The following PAN3 variants were observed in gnomAD, a reference collection of about 807,000 sequenced individuals.
The protein encoded by PAN3 is PAN2-PAN3 deadenylation complex subunit PAN3.
Under a neutral mutation model 96.2 loss-of-function variants are expected in PAN3, and 19 were observed. That is an observed-to-expected ratio of 0.20 (90% confidence interval 0.14 to 0.29). The LOEUF is 0.29. Among genes scored for constraint, PAN3 ranks in the 10% least tolerant of loss-of-function variants. The pLI is 1.00. For synonymous variants in PAN3, 433 were observed against 406.6 expected, an observed-to-expected ratio of 1.06 and a Z score of -0.78; for missense variants, 882 against 1,108.1, an observed-to-expected ratio of 0.80 and a Z score of 2.90.
chr13:28,162,709 T>A (rs1417743598), intron 1 of PAN3, among the ~76,000 whole-genome samples: 1 of 151,520 alleles, frequency 6.6e-6, no homozygotes, highest in East Asian at 2.0e-4. Flanking sequence ...CTGGGCTCAG[T>A]AACTCATGCC....
intron 5 of PAN3, among the ~76,000 whole-genome samples, chr13:28,217,376 G>GT (rs1171116861): frequency 6.6e-6 from 1 of 152,104 alleles, no homozygotes; most frequent in Non-Finnish European, 1.5e-5. Flanking sequence ...GAGGCCAGGA[G>GT]TTTGAGACCA....
chr13:28,139,514 T>TGTGTGTGTGTG (rs1869353072), intron 1 of PAN3, among the ~76,000 whole-genome samples: 4 of 93,134 alleles, frequency 4.3e-5, no homozygotes, highest in African/African-American at 1.6e-4. Flanking sequence ...AGGGGTGTGT[T>TGTGTGTGTGTG]TGTGTGTGTG....
At chr13:28,151,816 G>T (rs1871402110) in intron 1 of PAN3, among the ~76,000 whole-genome samples, 1 of 152,156 alleles carries the variant, frequency 6.6e-6, no homozygotes. Context: ...AGCAGATCAG[G>T]AGTTTGGTTT....
chr13:28,232,921 T>C (rs1337654164), intron 6 of PAN3, among the ~76,000 whole-genome samples: 1 of 152,170 alleles, frequency 6.6e-6, no homozygotes, highest in Non-Finnish European at 1.5e-5. Flanking sequence ...GATTTGTGAG[T>C]GTACATATTC....
chr13:28,248,611 G>A (rs1472420381), intron 6 of PAN3, among the ~76,000 whole-genome samples: 5 of 151,848 alleles, frequency 3.3e-5, no homozygotes, highest in Admixed American at 3.3e-4. Context: ...TGCAACCTCC[G>A]CCTCCTGGGC....
chr13:28,289,391 C>G (rs1869416951), intron 18 of PAN3, among the ~76,000 whole-genome samples: 1 of 152,124 alleles, frequency 6.6e-6, no homozygotes, highest in African/African-American at 2.4e-5. Flanking sequence ...CTCCTTCCCA[C>G]CTCAGTCTCC....
intron 14 of PAN3, among the ~76,000 whole-genome samples, chr13:28,275,887 G>A (rs987808854): frequency 6.6e-6 from 1 of 152,130 alleles, no homozygotes; most frequent in African/African-American, 2.4e-5. Flanking sequence ...CTTATCTCAT[G>A]TTCAGTGTCA....
At chr13:28,207,517 A>G (rs1266828979) in intron 5 of PAN3, among the ~76,000 whole-genome samples, 2 of 152,146 alleles carry the variant, frequency 1.3e-5, no homozygotes, top group South Asian at 2.1e-4. Context: ...TTGTGGTACC[A>G]TGTAGCTACC....
At chr13:28,161,949 A>G (rs1374168753) in intron 1 of PAN3, among the ~76,000 whole-genome samples, 4 of 152,154 alleles carry the variant, frequency 2.6e-5, no homozygotes, top group East Asian at 3.9e-4. Context: ...CCTTTTTATC[A>G]TTTATTTTAA....
rs1291453155 is a variant in PAN3 at position 28,293,714 on chromosome 13, A to G, written c.*1192A>G. On this transcript the variant is annotated 3_prime_UTR_variant, in exon 19 of 19. Coordinates refer to ENST00000380958, the MANE Select transcript of PAN3 (RefSeq NM_175854.8). The stretch of plus-strand genomic sequence containing the variant: ...GGATTTTCCTCCTCTTAACTTTCTT[A>G]ATATTTGGACATGCAGTTGTCGCCA... 1 of 152,602 alleles carries G rather than the reference A, an allele frequency of 6.6e-6. No individual in the cohort carries two copies. The highest frequency in any genetic ancestry group is 1.5e-5 in the Non-Finnish European group (1 of 68,026). 9.5% of individuals were successfully genotyped at this position (152,602 alleles called of 1,614,324 possible). A position where few individuals can be genotyped will look rare whatever the true frequency, so the allele number is the denominator to read the frequency against.
chr13:28,247,029 T>A (rs2138533413), intron 6 of PAN3, among the ~76,000 whole-genome samples: 1 of 152,286 alleles, frequency 6.6e-6, no homozygotes, highest in South Asian at 2.1e-4. Flanking sequence ...CTCGTTTTCA[T>A]TCCCATCAAC....
At chr13:28,277,195 G>C in intron 14 of PAN3, 42 bp from the exon 15 acceptor site, 5 of 1,561,380 alleles carry the variant, frequency 3.2e-6, no homozygotes, top group Non-Finnish European at 4.4e-6. Flanking sequence ...ATGAGTACCT[G>C]TGAAATGAAA....
Position 28,220,240 on chromosome 13 carries a change from C to G in PAN3, c.862C>G (p.Pro288Ala). Residue 288 changes from proline to alanine, a missense_variant, in exon 6 of 19, where the codon CCT (proline) becomes GCT (alanine). By Grantham distance (27) the Pro-to-Ala change is conservative (BLOSUM62 -1). Transcript: ENST00000380958. ...TTTGATTTTTAAATAGACACCAAAT[C>G]CTACTGCAAGCGAGTTTATTCCTAA... Reference protein sequence around the residue: ...VTENNLQTPNPTASEFIPKGG... With the variant: ...VTENNLQTPNATASEFIPKGG... 6.2e-7 allele frequency: 1 copy of G among 1,612,428 alleles called. No homozygotes were observed.
At chr13:28,249,642 G>A (rs1884533127) in intron 6 of PAN3, among the ~76,000 whole-genome samples, 1 of 151,960 alleles carries the variant, frequency 6.6e-6, no homozygotes, top group African/African-American at 2.4e-5. Flanking sequence ...TAGAGACGGG[G>A]TTTCACCATG....
chr13:28,220,434 T>C, intron 6 of PAN3, 56 bp downstream of exon 6: 1 of 1,532,586 alleles, frequency 6.5e-7, no homozygotes, highest in South Asian at 1.2e-5. Flanking sequence ...TAAGCACCAT[T>C]TACTATTAAT....
At chr13:28,209,460 C>T (rs1213657737) in intron 5 of PAN3, among the ~76,000 whole-genome samples, 1 of 152,162 alleles carries the variant, frequency 6.6e-6, no homozygotes, top group East Asian at 1.9e-4. Flanking sequence ...TTTATTTTTA[C>T]TGAATCAGTA....
At chr13:28,195,314 G>C (rs1431284737) in intron 4 of PAN3, among the ~76,000 whole-genome samples, 1 of 151,942 alleles carries the variant, frequency 6.6e-6, no homozygotes, top group Non-Finnish European at 1.5e-5. Context: ...GAGGTGGGAG[G>C]GTCGTTTGAG....
intron 1 of PAN3, among the ~76,000 whole-genome samples, chr13:28,160,555 A>G (rs987725028): frequency 5.9e-5 from 9 of 152,210 alleles, no homozygotes; most frequent in African/African-American, 1.9e-4. Context: ...ATTGAGTGAG[A>G]TGAATATAGT....
chr13:28,228,249 T>G (rs1024041073), intron 6 of PAN3, among the ~76,000 whole-genome samples: 3 of 152,220 alleles, frequency 2.0e-5, no homozygotes, highest in Admixed American at 2.0e-4. Context: ...TGAATTATCC[T>G]TTGATTCTTC....
Sources: allele counts gnomAD v4.1 joint callset (sites outside exome capture counted in the v4.1 genomes callset), GRCh38; gene constraint gnomAD v4.1.1; transcripts MANE v1.5; gene names NCBI Gene and HGNC (gene_info 2026-07-23, HGNC 2026-07-21).